Variants in CADM2 observed in about 807,000 individuals in gnomAD.
CADM2 encodes the protein cell adhesion molecule 2.
In CADM2, 12 loss-of-function variants were observed where a neutral mutation model predicts 49.8. The ratio of observed to expected loss-of-function variants is 0.24; its 90% CI spans 0.15 to 0.39. The LOEUF is 0.39. Ranked by LOEUF, CADM2 falls within the 10% of genes least tolerant of loss-of-function variation. The probability of loss-of-function intolerance (pLI) is 1.00; values close to 1 mark genes in which losing one functional copy is unlikely to be tolerated. For synonymous variants in CADM2, 214 were observed against 175.4 expected (o/e 1.22, Z -1.74); for missense variants, 378 against 492.3 (o/e 0.77, Z 2.20).
At chr3:85,747,943 T>C (rs1448610) in intron 2 of CADM2, among the ~76,000 whole-genome samples, 45,917 of 151,980 alleles carry the variant, frequency 0.3, 7,315 homozygotes, top group East Asian at 0.61. Flanking sequence ...GGCGTACTAA[T>C]TGATACAGTA....
intron 1 of CADM2, among the ~76,000 whole-genome samples, chr3:85,298,111 T>A (rs992067634): frequency 6.6e-6 from 1 of 152,086 alleles, no homozygotes; most frequent in Non-Finnish European, 1.5e-5. Flanking sequence ...TGTGGATATA[T>A]TTCCTCTCAT....
chr3:85,336,551 C>T (rs2045083343), intron 1 of CADM2, among the ~76,000 whole-genome samples: 1 of 151,062 alleles, frequency 6.6e-6, no homozygotes, highest in Non-Finnish European at 1.5e-5. Flanking sequence ...CTAAAGAAAA[C>T]TATATTTCTG....
chr3:85,430,847 G>A (rs1338477486), intron 1 of CADM2, among the ~76,000 whole-genome samples: 1 of 152,074 alleles, frequency 6.6e-6, no homozygotes, highest in Non-Finnish European at 1.5e-5. Context: ...GGATCTTGAA[G>A]GTAAACAGTA....
At chr3:85,295,543 A>G (rs1359398123) in intron 1 of CADM2, among the ~76,000 whole-genome samples, 4 of 152,154 alleles carry the variant, frequency 2.6e-5, no homozygotes, top group East Asian at 3.9e-4. Flanking sequence ...AACCAACCCA[A>G]ATATCCAACA....
chr3:85,789,129 A>G (rs947153516), intron 2 of CADM2, among the ~76,000 whole-genome samples: 17 of 152,110 alleles, frequency 1.1e-4, no homozygotes, highest in African/African-American at 3.9e-4. Context: ...TGATTATTGT[A>G]TGCTCAGCAC....
chr3:84,973,203 G>T (rs1358788129), intron 1 of CADM2, among the ~76,000 whole-genome samples: 1 of 152,140 alleles, frequency 6.6e-6, no homozygotes, highest in South Asian at 2.1e-4. Context: ...ATGAGCCACT[G>T]TGCCCAGCCT....
At position 85,267,971 on chromosome 3, in the gene CADM2, A is replaced by G. The variant is rs145585807; in HGVS notation, c.61+308303A>G. The stretch of plus-strand genomic sequence containing the variant: ...AAACTCCTACAATGTATTAGGCACT[A>G]TGTAAATGCCATGGATATATTGGAG... On this transcript the variant is annotated intron_variant, in intron 1 of 9. Transcript: ENST00000383699. Among the ~76,000 whole-genome samples the G allele has an allele frequency of 3.3e-5, 5 of 151,806 alleles. No homozygotes were observed. The South Asian group carries it at 1.0e-3, about 31-fold the overall frequency.
intron 2 of CADM2, among the ~76,000 whole-genome samples, chr3:85,794,297 A>C (rs2071499308): frequency 6.6e-6 from 1 of 152,164 alleles, no homozygotes; most frequent in African/African-American, 2.4e-5. Flanking sequence ...TCTACTGTCA[A>C]AAGGGCCCCT....
chr3:85,993,012 T>C (rs996413701), intron 8 of CADM2: 1 of 152,178 alleles, frequency 6.6e-6, no homozygotes, highest in Non-Finnish European at 1.5e-5. Context: ...ACTAAATTTA[T>C]GTAATATTCT....
intron 4 of CADM2, among the ~76,000 whole-genome samples, chr3:85,883,777 TACG>T (rs1287993066): frequency 1.3e-5 from 2 of 152,200 alleles, no homozygotes; most frequent in African/African-American, 2.4e-5. Context: ...CTGATCCTTT[TACG>T]ACATGACACA....
At chr3:85,211,216 A>G (rs1010669776) in intron 1 of CADM2, among the ~76,000 whole-genome samples, 2 of 151,640 alleles carry the variant, frequency 1.3e-5, no homozygotes, top group African/African-American at 4.8e-5. Context: ...AGGTTTGTCT[A>G]TTACATTTAT....
intron 1 of CADM2, among the ~76,000 whole-genome samples, chr3:85,016,067 T>C (rs1197309602): frequency 6.6e-6 from 1 of 152,186 alleles, no homozygotes; most frequent in East Asian, 1.9e-4. Flanking sequence ...TGTGCTTAGG[T>C]TAATCCAGCA....
intron 1 of CADM2, among the ~76,000 whole-genome samples, chr3:85,067,890 G>A (rs961920619): frequency 6.6e-6 from 1 of 152,128 alleles, no homozygotes; most frequent in Non-Finnish European, 1.5e-5. Flanking sequence ...TTGTATACAA[G>A]GCAATCTGAC....
At chr3:85,970,315 G>A (rs1471538289) in intron 8 of CADM2, among the ~76,000 whole-genome samples, 1 of 151,404 alleles carries the variant, frequency 6.6e-6, no homozygotes, top group East Asian at 2.0e-4. Flanking sequence ...TTTTATAAGA[G>A]AGACCTGGCT....
chr3:85,768,182 C>T (rs2069764114), intron 2 of CADM2, among the ~76,000 whole-genome samples: 1 of 152,028 alleles, frequency 6.6e-6, no homozygotes. Flanking sequence ...CGCAGTGGCT[C>T]ACGCCTGTAA....
chr3:86,063,475 T>A (rs1337956922), intron 8 of CADM2, among the ~76,000 whole-genome samples: 1 of 152,190 alleles, frequency 6.6e-6, no homozygotes, highest in Non-Finnish European at 1.5e-5. Context: ...ATTCATTCTT[T>A]TTTGCTTTCC....
At chr3:85,720,208 T>A (rs915895370) in intron 1 of CADM2, among the ~76,000 whole-genome samples, 4 of 152,034 alleles carry the variant, frequency 2.6e-5, no homozygotes, top group African/African-American at 9.7e-5. Flanking sequence ...ATTTGACTAT[T>A]TTTTTTGTCC....
intron 1 of CADM2, among the ~76,000 whole-genome samples, chr3:85,440,221 G>A (rs1166250673): frequency 1.3e-5 from 2 of 152,054 alleles, no homozygotes; most frequent in Admixed American, 6.6e-5. Context: ...ATCCAAAGAA[G>A]GTGCTTTTTT....
chr3:85,412,933 A>G (rs2035724178), intron 1 of CADM2, among the ~76,000 whole-genome samples: 1 of 151,692 alleles, frequency 6.6e-6, no homozygotes, highest in Non-Finnish European at 1.5e-5. Flanking sequence ...CGAGGTCAGG[A>G]GATCTAGACC....
Sources: allele counts gnomAD v4.1 joint callset (sites outside exome capture counted in the v4.1 genomes callset), GRCh38; gene constraint gnomAD v4.1.1; transcripts MANE v1.5; gene names NCBI Gene and HGNC (gene_info 2026-07-23, HGNC 2026-07-21).